Variants in B3GLCT observed in about 807,000 individuals in gnomAD.
B3GLCT encodes beta-1,3-glucosyltransferase.
Under a neutral mutation model 63.4 loss-of-function variants are expected in B3GLCT, and 65 were observed. The ratio of observed to expected loss-of-function variants is 1.03; its 90% CI spans 0.84 to 1.26. The LOEUF (loss-of-function observed/expected upper bound fraction) is 1.26. Among genes scored for constraint, B3GLCT ranks in the 50% most tolerant of loss-of-function variants. The pLI is 0.00. For synonymous variants in B3GLCT, 233 were observed against 219.2 expected, an observed-to-expected ratio of 1.06 and a Z score of -0.55; for missense variants, 577 against 604.8, an observed-to-expected ratio of 0.95 and a Z score of 0.48.
intron 12 of B3GLCT, among the ~76,000 whole-genome samples, chr13:31,305,264 AAG>A (rs1874365550): frequency 1.0e-5 from 1 of 99,274 alleles, no homozygotes; most frequent in Non-Finnish European, 2.1e-5. Context: ...TCACAATTAA[AAG>A]AACTAGAAAA....
At chr13:31,269,426 G>A in intron 8 of B3GLCT, 149 bp downstream of exon 8, 1 of 615,576 alleles carries the variant, frequency 1.6e-6, no homozygotes, top group Non-Finnish European at 2.9e-6. Flanking sequence ...CAGCGAATTA[G>A]GTGCTTTTAT....
chr13:31,226,525 A>G (rs899869210), intron 3 of B3GLCT, among the ~76,000 whole-genome samples: 10 of 152,148 alleles, frequency 6.6e-5, no homozygotes, highest in South Asian at 4.2e-4. Context: ...AGACAGTGGG[A>G]GCTTTGCTGA....
At chr13:31,247,695 A>G (rs1012371654) in intron 5 of B3GLCT, among the ~76,000 whole-genome samples, 160 bp from the exon 6 acceptor site, 1 of 152,270 alleles carries the variant, frequency 6.6e-6, no homozygotes, top group Non-Finnish European at 1.5e-5. Flanking sequence ...TTTTTAAACC[A>G]TTAGCATCTG....
At chr13:31,293,765 G>T (rs1593302332) in intron 12 of B3GLCT, among the ~76,000 whole-genome samples, 1 of 152,048 alleles carries the variant, frequency 6.6e-6, no homozygotes. Context: ...TATCCAATTT[G>T]CCAGTCTGTG....
intron 7 of B3GLCT, among the ~76,000 whole-genome samples, chr13:31,261,497 G>A (rs899936637): frequency 6.6e-6 from 1 of 152,098 alleles, no homozygotes; most frequent in Admixed American, 6.6e-5. Flanking sequence ...TAGGTGCATG[G>A]GTATGCATAC....
intron 13 of B3GLCT, among the ~76,000 whole-genome samples, chr13:31,319,973 A>G (rs1405550334): frequency 3.3e-5 from 5 of 151,960 alleles, no homozygotes; most frequent in African/African-American, 1.2e-4. Context: ...AGTCCTGTCC[A>G]TTTTATTTCC....
At chr13:31,262,280 T>C (rs2137832823) in intron 7 of B3GLCT, among the ~76,000 whole-genome samples, 1 of 152,360 alleles carries the variant, frequency 6.6e-6, no homozygotes, top group South Asian at 2.1e-4. Context: ...AAATGTACGT[T>C]ATGCTTTAAC....
Position 31,284,648 on chromosome 13 carries a change from T to C in B3GLCT, c.851T>C (p.Ile284Thr). The C allele has an allele frequency of 6.4e-7, 1 of 1,561,618 alleles. No individual in the cohort carries two copies. The highest frequency in any genetic ancestry group is 1.1e-5 in the South Asian group (1 of 90,028). Residue 284 changes from isoleucine to threonine, a missense_variant and splice_region_variant, in exon 11 of 15, where the codon ATA becomes ACA. Transcript: ENST00000343307. ...ATTGTCACCTCTGTAATTTTTTCAGTACCTATTGTTAAGCAGACTTGGGAG... is the reference window on the plus strand; with the variant it reads ...ATTGTCACCTCTGTAATTTTTTCAGCACCTATTGTTAAGCAGACTTGGGAG... The part of the protein sequence containing the change: ...KTCKKFHGDR[I>T]PIVKQTWESQ...
intron 12 of B3GLCT, among the ~76,000 whole-genome samples, chr13:31,287,727 T>A (rs145972918): frequency 1.1e-3 from 167 of 152,314 alleles, no homozygotes; most frequent in African/African-American, 3.7e-3. Flanking sequence ...GAATTAGAAG[T>A]TATTAAGCTG....
At chr13:31,317,517 C>A in intron 12 of B3GLCT, 49 bp from the exon 13 acceptor site, 1 of 1,610,532 alleles carries the variant, frequency 6.2e-7, no homozygotes, top group Non-Finnish European at 8.5e-7. Context: ...TGTTCCATAA[C>A]CACGTTTGAA....
chr13:31,286,820 G>A lies in B3GLCT; in HGVS notation c.1064+1G>A. On this transcript the variant is annotated splice_donor_variant, in intron 12 of 14. Transcript: ENST00000343307. LOFTEE classifies it high-confidence loss of function. ...TTGTGGATGATGATACATTAATAAG[G>A]TAAGGAGTCATTCTCATCCTAAATG... 6.3e-7 allele frequency: 1 copy of A among 1,594,924 alleles called. No individual in the cohort carries two copies. The highest frequency in any genetic ancestry group is 8.6e-7 in the Non-Finnish European group (1 of 1,163,380).
chr13:31,290,282 T>G (rs913056590), intron 12 of B3GLCT, among the ~76,000 whole-genome samples: 3 of 152,238 alleles, frequency 2.0e-5, no homozygotes, highest in African/African-American at 7.2e-5. Context: ...GCATTTGGGT[T>G]GGTTCCAAGT....
chr13:31,328,692 C>CAAAAAAAA (rs34729471), intron 14 of B3GLCT, among the ~76,000 whole-genome samples: 2 of 45,434 alleles, frequency 4.4e-5, no homozygotes, highest in Non-Finnish European at 7.2e-5. Flanking sequence ...AACTCCATCT[C>CAAAAAAAA]AAAAAAAAAA....
chr13:31,206,499 G>A (rs1400397961), intron 1 of B3GLCT, among the ~76,000 whole-genome samples: 1 of 149,726 alleles, frequency 6.7e-6, no homozygotes, highest in African/African-American at 2.5e-5. Context: ...CCAGCACTTT[G>A]GGAGGCTGAG....
chr13:31,203,757 C>G (rs1393334083), intron 1 of B3GLCT, among the ~76,000 whole-genome samples: 1 of 152,138 alleles, frequency 6.6e-6, no homozygotes, highest in Non-Finnish European at 1.5e-5. Flanking sequence ...CTCATCTTTT[C>G]CATGATAAAG....
At chr13:31,209,415 A>G (rs1869147375) in intron 1 of B3GLCT, among the ~76,000 whole-genome samples, 2 of 152,212 alleles carry the variant, frequency 1.3e-5, no homozygotes, top group Non-Finnish European at 2.9e-5. Flanking sequence ...ACGGAGAGGC[A>G]GCTGCTGGAG....
chr13:31,200,372 G>A (rs952161741), intron 1 of B3GLCT, among the ~76,000 whole-genome samples: 1 of 149,418 alleles, frequency 6.7e-6, no homozygotes, highest in Admixed American at 6.6e-5. Context: ...AGGCGTGCCC[G>A]CTCGGCCCCT....
chr13:31,319,663 G>A (rs1395390452), intron 13 of B3GLCT, among the ~76,000 whole-genome samples: 1 of 152,020 alleles, frequency 6.6e-6, no homozygotes, highest in South Asian at 2.1e-4. Context: ...TTCTCACCCT[G>A]TATTGTCCCT....
intron 12 of B3GLCT, among the ~76,000 whole-genome samples, chr13:31,317,284 C>T (rs1431783249): frequency 6.6e-6 from 1 of 152,232 alleles, no homozygotes; most frequent in Non-Finnish European, 1.5e-5. Context: ...CCACACAAAT[C>T]AGGCAGCCGT....
Sources: gnomAD v4.1 joint callset for allele counts (sites outside exome capture counted in the v4.1 genomes callset) on GRCh38, gnomAD v4.1.1 for gene constraint, MANE v1.5 for transcripts, NCBI Gene and HGNC (gene_info 2026-07-23, HGNC 2026-07-21) for gene names.